PCP4L1: variants seen among roughly 807,000 people sequenced by gnomAD.
PCP4L1 encodes Purkinje cell protein 4 like 1, also known as Purkinje cell protein 4-like protein 1.
Under a neutral mutation model 9.6 loss-of-function variants are expected in PCP4L1, and 9 were observed. The observed-to-expected ratio is 0.94, with a 90% confidence interval of 0.57 to 1.64. The LOEUF (loss-of-function observed/expected upper bound fraction) is 1.64, where lower values mean the gene tolerates loss of function less well. Ranked by LOEUF, PCP4L1 falls within the 40% of genes most tolerant of loss-of-function variation. PCP4L1 has a pLI of 0.00. For missense variants in PCP4L1, 81 were observed against 80.8 expected (o/e 1.00, Z -0.01); for synonymous variants, 31 against 28.2 (o/e 1.10, Z -0.31).
At position 161,284,426 on chromosome 1, in the gene PCP4L1, C is replaced by T. The variant is rs1246274519; in HGVS notation, c.152C>T (p.Ala51Val). The T allele has an allele frequency of 2.5e-6, 4 of 1,613,884 alleles. No individual in the cohort carries two copies. Among genetic ancestry groups the T allele is most frequent in the South Asian group, 1.1e-5 (1 of 91,088 alleles). ...CCAGAAACAGAGAAGGCTGCCCTTGCTATTCAGGGCAAGTTCCGGCGATTT... is the reference window on the plus strand; with the variant it reads ...CCAGAAACAGAGAAGGCTGCCCTTGTTATTCAGGGCAAGTTCCGGCGATTT... ...TAPETEKAALAIQGKFRRFQK... is the reference protein window; with the variant it reads ...TAPETEKAALVIQGKFRRFQK... The change falls in exon 3 of 3, where the codon GCT (alanine) becomes GTT (valine). Residue 51 changes from alanine (A) to valine (V), a missense_variant. Transcript: ENST00000504449.
At chr1:161,276,284 A>G (rs1669697070) in intron 1 of PCP4L1, among the ~76,000 whole-genome samples, 1 of 152,202 alleles carries the variant, frequency 6.6e-6, no homozygotes, top group Non-Finnish European at 1.5e-5. Flanking sequence ...TCTCAGGAAC[A>G]GTCCTTCCTC....
At chr1:161,282,479 AT>A in intron 1 of PCP4L1, among the ~76,000 whole-genome samples, 1 of 152,020 alleles carries the variant, frequency 6.6e-6, no homozygotes, top group Non-Finnish European at 1.5e-5. Context: ...ATACCTCAGG[AT>A]TTTATCCTCT....
chr1:161,263,588 C>CT (rs11355401), intron 1 of PCP4L1, among the ~76,000 whole-genome samples: 30,381 of 141,704 alleles, frequency 0.21, 3,457 homozygotes, highest in Middle Eastern at 0.29. Flanking sequence ...ATTTCAAGTA[C>CT]TTTTTTTTTT....
chr1:161,260,331 C>T (rs555869073), intron 1 of PCP4L1, among the ~76,000 whole-genome samples: 39 of 152,304 alleles, frequency 2.6e-4, no homozygotes, highest in Non-Finnish European at 4.6e-4. Flanking sequence ...AAGTGGTTTC[C>T]AGTCCCTCAG....
intron 1 of PCP4L1, among the ~76,000 whole-genome samples, chr1:161,266,856 G>A (rs527507921): frequency 2.6e-5 from 4 of 152,230 alleles, no homozygotes; most frequent in African/African-American, 7.2e-5. Context: ...TGGTTCCAAC[G>A]GTGCTCCAAA....
At chr1:161,266,180 A>T (rs1669526741) in intron 1 of PCP4L1, among the ~76,000 whole-genome samples, 1 of 151,900 alleles carries the variant, frequency 6.6e-6, no homozygotes, top group African/African-American at 2.4e-5. Context: ...CATGCCCAGT[A>T]CCCCACCCAG....
chr1:161,283,675 C>G lies in PCP4L1; in HGVS notation c.17C>G (p.Thr6Ser), dbSNP rs776800334. The G allele has an allele frequency of 3.1e-6, 5 of 1,600,434 alleles. No individual in the cohort carries two copies. The Admixed American group carries it at 8.6e-5, about 28-fold the overall frequency. Residue 6 changes from threonine (T) to serine (S), a missense_variant, in exon 2 of 3, where the codon ACC (threonine) becomes AGC (serine). Physicochemically the swap from Thr to Ser is moderately conservative, Grantham distance 58 (BLOSUM62 1). Coordinates refer to ENST00000504449, the MANE Select transcript of PCP4L1 (RefSeq NM_001102566.2). ...TCCTAATATTTTTTCCAGCTTAATA[C>G]CAAAACATCCCCAGCAACCAACCAG... MSELN[T>S]KTSPATNQAA...
intron 1 of PCP4L1, among the ~76,000 whole-genome samples, chr1:161,277,837 C>A (rs1328922408): frequency 6.6e-6 from 1 of 152,168 alleles, no homozygotes; most frequent in African/African-American, 2.4e-5. Context: ...TCCGTGCCTT[C>A]TTCACTCTCA....
At chr1:161,283,777 G>T (rs1669862435) in intron 2 of PCP4L1, 55 bp downstream of exon 2, 2 of 1,514,776 alleles carry the variant, frequency 1.3e-6, no homozygotes, top group African/African-American at 2.8e-5. Flanking sequence ...GAGACATAAA[G>T]ACAAGTAGGG....
intron 1 of PCP4L1, among the ~76,000 whole-genome samples, chr1:161,269,827 C>A (rs961742060): frequency 6.6e-6 from 1 of 151,322 alleles, no homozygotes; most frequent in Non-Finnish European, 1.5e-5. Context: ...GGCAAAAACC[C>A]ATCTCTACAA....
chr1:161,273,413 A>G (rs969690694), intron 1 of PCP4L1, among the ~76,000 whole-genome samples: 8 of 151,882 alleles, frequency 5.3e-5, no homozygotes, highest in African/African-American at 1.7e-4. Flanking sequence ...TGCTTGAGTG[A>G]GAACCTGTTT....
At chr1:161,279,558 G>T (rs959921277) in intron 1 of PCP4L1, among the ~76,000 whole-genome samples, 1 of 152,226 alleles carries the variant, frequency 6.6e-6, no homozygotes, top group African/African-American at 2.4e-5. Flanking sequence ...GAACCCTTAC[G>T]TCTGGCAGTC....
intron 1 of PCP4L1, among the ~76,000 whole-genome samples, chr1:161,273,236 C>G (rs1168734254): frequency 6.6e-6 from 1 of 152,024 alleles, no homozygotes; most frequent in Non-Finnish European, 1.5e-5. Context: ...CAACTAAAAC[C>G]CTCTAGGGAA....
At chr1:161,274,057 T>G (rs1669664375) in intron 1 of PCP4L1, among the ~76,000 whole-genome samples, 1 of 152,202 alleles carries the variant, frequency 6.6e-6, no homozygotes. Context: ...TTTCCTTCTC[T>G]GTGAAATAGA....
chr1:161,279,208 G>A (rs1006885816), intron 1 of PCP4L1, among the ~76,000 whole-genome samples: 2 of 152,016 alleles, frequency 1.3e-5, no homozygotes, highest in African/African-American at 2.4e-5. Flanking sequence ...TTCTTACATC[G>A]TCATTAAAGC....
At chr1:161,283,814 C>T (rs953065443) in intron 2 of PCP4L1, 92 bp downstream of exon 2, 4 of 1,294,034 alleles carry the variant, frequency 3.1e-6, no homozygotes, top group Middle Eastern at 3.7e-4. Flanking sequence ...TAAAGTCAGA[C>T]ATGAAAGGAA....
intron 1 of PCP4L1, among the ~76,000 whole-genome samples, chr1:161,276,303 T>A (rs1336700174): frequency 6.6e-6 from 1 of 152,168 alleles, no homozygotes; most frequent in Non-Finnish European, 1.5e-5. Context: ...TCTCATGGAA[T>A]CTTTCTTTTG....
intron 1 of PCP4L1, among the ~76,000 whole-genome samples, chr1:161,275,794 CTTTTT>C (rs1191740761): frequency 7.5e-6 from 1 of 134,176 alleles, no homozygotes. Flanking sequence ...CTAGGTCATA[CTTTTT>C]TTTTTTTTTT....
At chr1:161,266,164 C>T (rs139826170) in intron 1 of PCP4L1, among the ~76,000 whole-genome samples, 1,634 of 152,210 alleles carry the variant, frequency 0.011, 8 homozygotes, top group Admixed American at 0.018. Context: ...GGCTTATTCC[C>T]GAAGCCATGC....
Sources: allele counts gnomAD v4.1 joint callset (sites outside exome capture counted in the v4.1 genomes callset), GRCh38; gene constraint gnomAD v4.1.1; transcripts MANE v1.5; gene names NCBI Gene and HGNC (gene_info 2026-07-23, HGNC 2026-07-21).